Variants in N4BP2L2 observed in about 807,000 individuals in gnomAD.
N4BP2L2 encodes the protein NEDD4-binding protein 2-like 2.
In N4BP2L2, 50 loss-of-function variants were observed where a neutral mutation model predicts 56.2. That is an observed-to-expected ratio of 0.89 (90% CI 0.71 to 1.13). The LOEUF is 1.13. N4BP2L2 is among the 50% of genes most tolerant of loss of function. N4BP2L2 has a pLI of 0.00. For synonymous variants in N4BP2L2, 203 were observed against 223.6 expected, an observed-to-expected ratio of 0.91 and a Z score of 0.82; for missense variants, 689 against 693.8, an observed-to-expected ratio of 0.99 and a Z score of 0.08.
At chr13:32,497,986 AT>A (rs1051195506) in intron 6 of N4BP2L2, among the ~76,000 whole-genome samples, 2 of 151,886 alleles carry the variant, frequency 1.3e-5, no homozygotes, top group African/African-American at 4.8e-5. Flanking sequence ...AGACACAGTA[AT>A]TTTTTTTCCT....
chr13:32,463,783 G>C (rs2138759968), intron 6 of N4BP2L2, among the ~76,000 whole-genome samples: 1 of 151,792 alleles, frequency 6.6e-6, no homozygotes, highest in African/African-American at 2.4e-5. Flanking sequence ...TGTGCTGAGA[G>C]AAAAATACTG....
At chr13:32,538,177 A>G (rs2140392900) in intron 1 of N4BP2L2, among the ~76,000 whole-genome samples, 1 of 152,200 alleles carries the variant, frequency 6.6e-6, no homozygotes, top group East Asian at 1.9e-4. Flanking sequence ...TGGTGTTCCT[A>G]ACACGAGAGA....
intron 6 of N4BP2L2, among the ~76,000 whole-genome samples, chr13:32,495,675 C>A (rs1268025750): frequency 4.6e-5 from 7 of 152,166 alleles, no homozygotes; most frequent in Middle Eastern, 3.4e-3. Flanking sequence ...CCTCATCAGG[C>A]AAATGCCCGC....
chr13:32,536,284 A>G (rs2056536259), exon 2 of N4BP2L2: 1 of 1,613,630 alleles, frequency 6.2e-7, no homozygotes, highest in Admixed American at 1.7e-5. Context: ...CTTGTCCATT[A>G]CAGGGATATT....
intron 3 of N4BP2L2, 60 bp from the exon 4 acceptor site, chr13:32,522,330 T>C (rs2051204179): frequency 2.7e-6 from 3 of 1,116,004 alleles, no homozygotes; most frequent in Non-Finnish European, 2.5e-6. Context: ...ACACAAAAGT[T>C]AAACATTTAT....
At chr13:32,504,345 C>A (rs2090559487) in intron 6 of N4BP2L2, among the ~76,000 whole-genome samples, 2 of 152,110 alleles carry the variant, frequency 1.3e-5, no homozygotes, top group Admixed American at 1.3e-4. Context: ...TTAAGATGTC[C>A]ACAGGGTTTA....
chr13:32,535,700 G>T, intron 2 of N4BP2L2, 69 bp downstream of exon 2: 1 of 1,499,550 alleles, frequency 6.7e-7, no homozygotes, highest in South Asian at 1.3e-5. Flanking sequence ...CACTGCAGCC[G>T]GCGACAAATA....
chr13:32,439,223 C>T (rs2075896118), intron 7 of N4BP2L2, among the ~76,000 whole-genome samples: 1 of 152,234 alleles, frequency 6.6e-6, no homozygotes, highest in African/African-American at 2.4e-5. Flanking sequence ...TAATGTCACT[C>T]ATAAAATATT....
intron 6 of N4BP2L2, among the ~76,000 whole-genome samples, chr13:32,488,418 G>A (rs2086356797): frequency 6.6e-6 from 1 of 152,100 alleles, no homozygotes. Context: ...AGGGTAGAGG[G>A]ATGAGGATGC....
At chr13:32,456,941 G>A (rs1254392567) in intron 6 of N4BP2L2, among the ~76,000 whole-genome samples, 2 of 152,040 alleles carry the variant, frequency 1.3e-5, no homozygotes, top group Non-Finnish European at 2.9e-5. Flanking sequence ...TTCAAGACCA[G>A]CCTGGCCAAA....
chr13:32,519,338 G>A (rs193150416), intron 5 of N4BP2L2, among the ~76,000 whole-genome samples: 1 of 152,056 alleles, frequency 6.6e-6, no homozygotes, highest in African/African-American at 2.4e-5. Flanking sequence ...GAGTCCAGGA[G>A]GAAGAGGTTG....
exon 3 of N4BP2L2, chr13:32,527,521 C>T (rs748131013): frequency 6.2e-7 from 1 of 1,612,156 alleles, no homozygotes; most frequent in Non-Finnish European, 8.5e-7. Flanking sequence ...ACGATTCTGA[C>T]CAAGCAGAAT....
Position 32,458,691 on chromosome 13 carries a change from A to C in N4BP2L2, c.366-14565T>G, listed in dbSNP as rs951276907. On this transcript the variant is annotated intron_variant, in intron 6 of 9. Transcript: ENST00000357505. ...ATAGACTCTAGAACAATAATATTAT[A>C]GTTGGGGACTTCAACATTCAACTCT... Among the ~76,000 whole-genome samples, 8 of 152,352 alleles carry C rather than the reference A, an allele frequency of 5.3e-5. No individual in the cohort carries two copies. In the South Asian group the frequency reaches 1.2e-3, roughly 24 times the overall value.
exon 6 of N4BP2L2, chr13:32,513,031 C>CA (rs570442023): frequency 0.018 from 1,836 of 102,070 alleles, 22 homozygotes; most frequent in Admixed American, 0.026. Flanking sequence ...GACTCCGTCT[C>CA]AAAAAAAAAA....
chr13:32,495,400 T>C (rs2088318742), intron 6 of N4BP2L2, among the ~76,000 whole-genome samples: 1 of 152,084 alleles, frequency 6.6e-6, no homozygotes, highest in South Asian at 2.1e-4. Context: ...TCTATTCTGT[T>C]TAGTACCCAC....
chr13:32,499,429 T>C (rs1335311798), intron 6 of N4BP2L2, among the ~76,000 whole-genome samples: 1 of 152,132 alleles, frequency 6.6e-6, no homozygotes, highest in East Asian at 1.9e-4. Flanking sequence ...AGGGTCAAGA[T>C]ACATCTTAAA....
At chr13:32,472,657 A>T (rs1323163761) in intron 6 of N4BP2L2, among the ~76,000 whole-genome samples, 1 of 152,212 alleles carries the variant, frequency 6.6e-6, no homozygotes, top group Non-Finnish European at 1.5e-5. Flanking sequence ...CTGAAGATGA[A>T]GAAATCAAGC....
intron 8 of N4BP2L2, chr13:32,436,495 T>C: frequency 1.9e-6 from 1 of 540,070 alleles, no homozygotes; most frequent in East Asian, 3.9e-5. Context: ...GGGACACTCC[T>C]AAAATGACAA....
chr13:32,456,085 G>T (rs760743294), intron 6 of N4BP2L2, among the ~76,000 whole-genome samples: 2 of 152,088 alleles, frequency 1.3e-5, no homozygotes, highest in Non-Finnish European at 2.9e-5. Flanking sequence ...ATCATATTGG[G>T]ACCCACTAAC....
Sources: gnomAD v4.1 joint callset for allele counts (sites outside exome capture counted in the v4.1 genomes callset) on GRCh38, gnomAD v4.1.1 for gene constraint, MANE v1.5 for transcripts, NCBI Gene and HGNC (gene_info 2026-07-23, HGNC 2026-07-21) for gene names.